The following KCNH8 variants were observed in gnomAD, a reference collection of about 807,000 sequenced individuals.
KCNH8 encodes the protein voltage-gated delayed rectifier potassium channel KCNH8.
KCNH8 carries 70 observed loss-of-function variants against 103.6 expected under a neutral mutation model. That is an observed-to-expected ratio of 0.68 (90% CI 0.56 to 0.82). The LOEUF (loss-of-function observed/expected upper bound fraction) is 0.82. KCNH8 is among the 40% of genes least tolerant of loss of function. The pLI is 0.00. For missense variants in KCNH8, 1,217 were observed against 1,329.9 expected (o/e 0.92, Z 1.32); for synonymous variants, 498 against 489.4 (o/e 1.02, Z -0.23).
At chr3:19,170,810 ATTT>A (rs1163528137) in intron 1 of KCNH8, among the ~76,000 whole-genome samples, 6 of 75,332 alleles carry the variant, frequency 8.0e-5, no homozygotes, top group East Asian at 3.0e-4. Context: ...ATATATATAT[ATTT>A]TTTTTTTTTT....
intron 1 of KCNH8, among the ~76,000 whole-genome samples, chr3:19,251,892 A>G (rs980517627): frequency 6.6e-6 from 1 of 152,192 alleles, no homozygotes; most frequent in African/African-American, 2.4e-5. Context: ...ACATGTGCAT[A>G]TATATGTATT....
chr3:19,531,002 T>C lies in KCNH8; in HGVS notation c.2620-2393T>C, dbSNP rs76329825. Among the ~76,000 whole-genome samples, 1,235 of 152,344 alleles carry C rather than the reference T, an allele frequency of 8.1e-3. 20 individuals carry two copies. Among genetic ancestry groups the C allele is most frequent in the African/African-American group, 0.029 (1,191 of 41,586 alleles). On this transcript the variant is annotated intron_variant, in intron 15 of 15. Transcript: ENST00000328405. ...TAGGGAAAGTGTACCTGAAAGCACA[T>C]TGTATAAATTTACAAACATACAAAC... is the stretch of plus-strand genomic sequence containing the variant.
At chr3:19,529,832 C>A (rs971463473) in intron 15 of KCNH8, among the ~76,000 whole-genome samples, 2 of 152,194 alleles carry the variant, frequency 1.3e-5, no homozygotes, top group African/African-American at 4.8e-5. Context: ...TCCCCAGAGA[C>A]ACAGTGACAG....
chr3:19,489,012 C>T (rs779105706), intron 11 of KCNH8, among the ~76,000 whole-genome samples: 20 of 152,116 alleles, frequency 1.3e-4, no homozygotes, highest in South Asian at 4.1e-4. Context: ...TACAAAGGCA[C>T]GCCTTTCCAC....
At chr3:19,236,452 C>T (rs929663314) in intron 1 of KCNH8, among the ~76,000 whole-genome samples, 7 of 152,116 alleles carry the variant, frequency 4.6e-5, no homozygotes, top group East Asian at 1.9e-4. Flanking sequence ...GTGTCTTTCA[C>T]GGGGAGGGAA....
intron 15 of KCNH8, among the ~76,000 whole-genome samples, chr3:19,522,339 C>A (rs1402174770): frequency 6.6e-6 from 1 of 151,602 alleles, no homozygotes; most frequent in Non-Finnish European, 1.5e-5. Context: ...GGTGTCAGTT[C>A]CATTTCGAAA....
chr3:19,231,646 C>T (rs570089062), intron 1 of KCNH8, among the ~76,000 whole-genome samples: 4 of 152,246 alleles, frequency 2.6e-5, no homozygotes, highest in African/African-American at 7.2e-5. Flanking sequence ...AATGGGCCAG[C>T]CTACAAGATC....
At chr3:19,301,262 A>C (rs1389723582) in intron 3 of KCNH8, among the ~76,000 whole-genome samples, 1 of 151,228 alleles carries the variant, frequency 6.6e-6, no homozygotes, top group African/African-American at 2.4e-5. Flanking sequence ...AAAAATAAAA[A>C]TAGTGACAAT....
rs115926597 is a variant in KCNH8, at chr3:19,251,714, G to A, written c.77-1940G>A. 8.4e-3 allele frequency among the ~76,000 whole-genome samples: 1,276 copies of A among 152,042 alleles called. 27 individuals are homozygous for A. The highest frequency in any genetic ancestry group is 7.5e-3 in the Non-Finnish European group (507 of 67,990). On this transcript the variant is annotated intron_variant, in intron 1 of 15. Transcript: ENST00000328405. The stretch of plus-strand genomic sequence containing the variant: ...TTTAAACTTACTGTTTTTTGAATAG[G>A]CAATATATAAAGCATGTGGGATAAA...
intron 1 of KCNH8, among the ~76,000 whole-genome samples, chr3:19,151,485 T>C (rs1459512947): frequency 6.6e-6 from 1 of 152,144 alleles, no homozygotes; most frequent in Non-Finnish European, 1.5e-5. Flanking sequence ...ACAACAACCC[T>C]GGCAAACTGC....
At chr3:19,219,855 C>G (rs1344819844) in intron 1 of KCNH8, among the ~76,000 whole-genome samples, 1 of 152,162 alleles carries the variant, frequency 6.6e-6, no homozygotes, top group East Asian at 1.9e-4. Context: ...TTACTCAGGT[C>G]AAGAACTCAG....
At chr3:19,406,024 A>T (rs2066686245) in intron 7 of KCNH8, among the ~76,000 whole-genome samples, 3 of 152,078 alleles carry the variant, frequency 2.0e-5, no homozygotes, top group Admixed American at 6.6e-5. Context: ...TTGATCTCTA[A>T]AATTTTTAAC....
intron 5 of KCNH8, among the ~76,000 whole-genome samples, chr3:19,369,545 T>C (rs540765720): frequency 6.6e-6 from 1 of 152,156 alleles, no homozygotes; most frequent in African/African-American, 2.4e-5. Context: ...CCCAAAACAG[T>C]ATCTTGAGCC....
chr3:19,367,971 TC>T (rs1266918199), intron 5 of KCNH8, among the ~76,000 whole-genome samples: 1 of 151,990 alleles, frequency 6.6e-6, no homozygotes, highest in Non-Finnish European at 1.5e-5. Context: ...TAGGATATCA[TC>T]CTTTCCTGGA....
chr3:19,222,230 G>A (rs1408704769), intron 1 of KCNH8, among the ~76,000 whole-genome samples: 2 of 152,138 alleles, frequency 1.3e-5, no homozygotes, highest in Admixed American at 6.5e-5. Context: ...GAATTACCCA[G>A]CATTTTTGTC....
chr3:19,309,418 C>T (rs1365099126), intron 3 of KCNH8, among the ~76,000 whole-genome samples: 1 of 151,916 alleles, frequency 6.6e-6, no homozygotes, highest in Non-Finnish European at 1.5e-5. Context: ...CATAGGCATA[C>T]TATTTAAAAG....
chr3:19,330,482 C>T (rs928393384), intron 3 of KCNH8, among the ~76,000 whole-genome samples: 3 of 152,076 alleles, frequency 2.0e-5, no homozygotes, highest in Admixed American at 6.6e-5. Context: ...ATTTCCAGCA[C>T]CTATTGTGAA....
intron 3 of KCNH8, among the ~76,000 whole-genome samples, chr3:19,338,253 T>C (rs17005830): frequency 6.6e-6 from 1 of 151,978 alleles, no homozygotes; most frequent in African/African-American, 2.4e-5. Flanking sequence ...TTCTGGACTT[T>C]CTTCAGTTCT....
At chr3:19,163,992 A>G (rs1559403814) in intron 1 of KCNH8, among the ~76,000 whole-genome samples, 1 of 152,188 alleles carries the variant, frequency 6.6e-6, no homozygotes, top group Non-Finnish European at 1.5e-5. Context: ...ACAGCAGGCT[A>G]TTGGTAGTTA....
Sources: gnomAD v4.1 joint callset for allele counts (sites outside exome capture counted in the v4.1 genomes callset) on GRCh38, gnomAD v4.1.1 for gene constraint, MANE v1.5 for transcripts, NCBI Gene and HGNC (gene_info 2026-07-23, HGNC 2026-07-21) for gene names.